OLAH: variants seen among roughly 807,000 people sequenced by gnomAD.
OLAH encodes the protein S-acyl fatty acid synthase thioesterase, medium chain.
A neutral mutation model predicts 27.8 loss-of-function variants in OLAH; 33 were observed. That is an observed-to-expected ratio of 1.19 (90% CI 0.90 to 1.59). The LOEUF is 1.59. OLAH is among the 40% of genes most tolerant of loss of function. The probability of loss-of-function intolerance (pLI) is 0.00; values close to 1 mark genes in which losing one functional copy is unlikely to be tolerated. For missense variants in OLAH, 359 were observed against 310.8 expected (o/e 1.16, Z -1.17); for synonymous variants, 120 against 102.9 (o/e 1.17, Z -1.01).
intron 6 of OLAH, among the ~76,000 whole-genome samples, chr10:15,069,420 G>C (rs1389674204): frequency 1.3e-5 from 2 of 152,196 alleles, no homozygotes; most frequent in East Asian, 1.9e-4. Context: ...AGCAGCTTAA[G>C]GCTTCTGCTT....
At chr10:15,039,196 A>G (rs1419250282), upstream of OLAH, among the ~76,000 whole-genome samples, 3 of 152,108 alleles carry the variant, frequency 2.0e-5, no homozygotes, top group Non-Finnish European at 1.5e-5. Context: ...CCTGCACGCC[A>G]GTCTGAGTGA....
At chr10:15,050,390 C>A (rs1258824081) in intron 3 of OLAH, among the ~76,000 whole-genome samples, 1 of 152,068 alleles carries the variant, frequency 6.6e-6, no homozygotes, top group Non-Finnish European at 1.5e-5. Context: ...GCCTCAGCCT[C>A]CGAAGTAGCT....
At chr10:15,037,034 G>A (rs1042990788) in intron 1 of OLAH, among the ~76,000 whole-genome samples, 2 of 151,950 alleles carry the variant, frequency 1.3e-5, no homozygotes, top group Admixed American at 6.6e-5. Context: ...AGCCAAGATC[G>A]TGCCACAGCA....
intron 3 of OLAH, among the ~76,000 whole-genome samples, chr10:15,059,292 T>G (rs1238901497): frequency 6.8e-6 from 1 of 147,240 alleles, no homozygotes; most frequent in African/African-American, 2.5e-5. Flanking sequence ...GCTCAAGCAA[T>G]CCTCCTGCCT....
At chr10:15,065,493 A>T in intron 5 of OLAH, 91 bp from the exon 6 acceptor site, 1 of 1,367,378 alleles carries the variant, frequency 7.3e-7, no homozygotes, top group Non-Finnish European at 9.9e-7. Context: ...GCCTTGGTTT[A>T]ATGACTTTTC....
chr10:15,047,285 C>T lies in OLAH; in HGVS notation c.-4C>T. On this transcript the variant is annotated 5_prime_UTR_variant, in exon 2 of 8. Coordinates refer to ENST00000378228, the MANE Select transcript of OLAH (RefSeq NM_001039702.3). ...CCAGCCATCTTGCAACCTCACCTCA[C>T]AGCATGGAGAGAGGAGACCAACCTA... The T allele has an allele frequency of 1.2e-6, 2 of 1,613,540 alleles. No individual in the cohort carries two copies. Among genetic ancestry groups the T allele is most frequent in the Non-Finnish European group, 1.7e-6 (2 of 1,179,750 alleles).
chr10:15,032,228 C>T (rs1433824063), upstream of OLAH: 2 of 152,248 alleles, frequency 1.3e-5, no homozygotes, highest in East Asian at 3.9e-4. Context: ...CCATCTTTCT[C>T]CCATGCTGGA....
chr10:15,044,203 C>G (rs757839683), intron 1 of OLAH, among the ~76,000 whole-genome samples: 7 of 151,884 alleles, frequency 4.6e-5, no homozygotes, highest in Non-Finnish European at 7.4e-5. Context: ...TTTACCTGTT[C>G]TATGTTTCTT....
At chr10:15,056,985 A>G in intron 3 of OLAH, 1 of 1,414,566 alleles carries the variant, frequency 7.1e-7, no homozygotes, top group Non-Finnish European at 9.3e-7. Flanking sequence ...TTTTTTTAGT[A>G]GGTTTTTTGT....
At chr10:15,035,366 G>A (rs1227051727) in intron 1 of OLAH, among the ~76,000 whole-genome samples, 1 of 152,136 alleles carries the variant, frequency 6.6e-6, no homozygotes, top group Non-Finnish European at 1.5e-5. Context: ...TCCTGGTTCT[G>A]CAGTCTATAC....
intron 1 of OLAH, among the ~76,000 whole-genome samples, chr10:15,037,674 A>C (rs1035906951): frequency 3.9e-5 from 6 of 152,232 alleles, no homozygotes; most frequent in Admixed American, 3.9e-4. Context: ...CCTAGATGAA[A>C]CACGACCCAT....
chr10:15,059,001 C>CTCCTTCCCTCCTTCCCT (rs1844304236), intron 3 of OLAH, among the ~76,000 whole-genome samples: 1 of 129,286 alleles, frequency 7.7e-6, no homozygotes, highest in Non-Finnish European at 1.7e-5. Context: ...CCTTCCCTCT[C>CTCCTTCCCTCCTTCCCT]TCCTTCCCTC....
upstream of OLAH, among the ~76,000 whole-genome samples, chr10:15,039,701 C>T (rs1439407480): frequency 6.6e-6 from 1 of 152,180 alleles, no homozygotes; most frequent in African/African-American, 2.4e-5. Flanking sequence ...AGAGGCCTGT[C>T]TGTATTTTAG....
chr10:15,061,941 T>C, intron 4 of OLAH, 79 bp downstream of exon 4: 1 of 1,381,538 alleles, frequency 7.2e-7, no homozygotes, highest in Non-Finnish European at 1.0e-6. Flanking sequence ...TCTTTGTGTT[T>C]TGTAAGATGC....
At chr10:15,064,920 G>C (rs1000169350) in intron 5 of OLAH, among the ~76,000 whole-genome samples, 1 of 152,180 alleles carries the variant, frequency 6.6e-6, no homozygotes, top group African/African-American at 2.4e-5. Context: ...GCCTCCCAAA[G>C]TGCTGGGATT....
At chr10:15,056,977 T>C in intron 3 of OLAH, 2 of 1,428,560 alleles carry the variant, frequency 1.4e-6, no homozygotes, top group Non-Finnish European at 1.9e-6. Context: ...ATTCTAATTT[T>C]TTTTAGTAGG....
intron 4 of OLAH, 101 bp downstream of exon 4, chr10:15,061,963 T>C (rs1298400475): frequency 4.5e-6 from 5 of 1,100,716 alleles, no homozygotes; most frequent in African/African-American, 3.2e-5. Context: ...TACCTTTGTA[T>C]TGGTTAGACA....
At chr10:15,040,961 T>C (rs1451822634), upstream of OLAH, among the ~76,000 whole-genome samples, 2 of 152,154 alleles carry the variant, frequency 1.3e-5, no homozygotes, top group Non-Finnish European at 2.9e-5. Context: ...ACCATCAGAT[T>C]ACTCATCTGA....
At chr10:15,054,333 G>A (rs1015163691) in intron 3 of OLAH, among the ~76,000 whole-genome samples, 2 of 152,046 alleles carry the variant, frequency 1.3e-5, no homozygotes, top group East Asian at 1.9e-4. Context: ...GAGCCACCCC[G>A]CCTGGCCTTT....
Sources: allele counts gnomAD v4.1 joint callset (sites outside exome capture counted in the v4.1 genomes callset), GRCh38; gene constraint gnomAD v4.1.1; transcripts MANE v1.5; gene names NCBI Gene and HGNC (gene_info 2026-07-23, HGNC 2026-07-21).